VCAN: variants seen among roughly 807,000 people sequenced by gnomAD.
VCAN encodes versican.
Under a neutral mutation model 245.5 loss-of-function variants are expected in VCAN, and 44 were observed. That is an observed-to-expected ratio of 0.18 (90% CI 0.14 to 0.23). The LOEUF (loss-of-function observed/expected upper bound fraction) is 0.23, where lower values mean the gene tolerates loss of function less well. Ranked by LOEUF, VCAN falls within the 10% of genes least tolerant of loss-of-function variation. The pLI, the probability that VCAN is intolerant of heterozygous loss-of-function variation, is 1.00. For synonymous variants in VCAN, 1,413 were observed against 1,437.0 expected (o/e 0.98, Z 0.38); for missense variants, 3,793 against 4,057.9 (o/e 0.93, Z 1.77).
rs1452009400 is a variant in VCAN at position 83,538,941 on chromosome 5, A to G, written c.5938A>G (p.Ile1980Val). ...ATCTACAGTACCTACTTCAGTTCAC[A>G]TCAGTCACATATCTGACTCAGAAGG... is the stretch of plus-strand genomic sequence containing the variant. The part of the protein sequence containing the change: ...SPSTVPTSVH[I>V]SHISDSEGPS... The change falls in exon 8 of 15, where the codon ATC (isoleucine) becomes GTC (valine). Residue 1980 changes from isoleucine to valine, a missense_variant. By Grantham distance (29) the Ile-to-Val change is conservative. Coordinates refer to ENST00000265077, the MANE Select transcript of VCAN (RefSeq NM_004385.5). The G allele has an allele frequency of 1.2e-6, 2 of 1,614,030 alleles. No homozygotes were observed. The highest frequency in any genetic ancestry group is 8.5e-7 in the Non-Finnish European group (1 of 1,179,954).
At chr5:83,562,076 T>G (rs750346734) in intron 12 of VCAN, 2 of 152,200 alleles carry the variant, frequency 1.3e-5, no homozygotes, top group African/African-American at 2.4e-5. Flanking sequence ...CAGATGGATG[T>G]ATGTCAGCTG....
intron 10 of VCAN, 71 bp downstream of exon 10, chr5:83,548,155 T>A: frequency 9.1e-7 from 1 of 1,098,928 alleles, no homozygotes; most frequent in Non-Finnish European, 1.4e-6. Context: ...CCTCAATGCA[T>A]AATCTTTCCT....
intron 1 of VCAN, among the ~76,000 whole-genome samples, chr5:83,478,290 T>C (rs1744471627): frequency 6.6e-6 from 1 of 152,222 alleles, no homozygotes. Context: ...TTGGCCAGGT[T>C]GTGGAGAAAC....
chr5:83,556,333 C>T (rs7709777), intron 12 of VCAN, among the ~76,000 whole-genome samples: 58,677 of 151,996 alleles, frequency 0.39, 11,523 homozygotes, highest in Admixed American at 0.44. Context: ...TTCTTCTGAC[C>T]GGTACCTCCT....
Position 83,567,221 on chromosome 5 carries a change from T to C in VCAN, c.9736-5195T>C, listed in dbSNP as rs192980357. Among the ~76,000 whole-genome samples the C allele has an allele frequency of 1.1e-3, 169 of 152,202 alleles. 1 individual carries two copies. Among genetic ancestry groups the C allele is most frequent in the Non-Finnish European group, 2.1e-3 (144 of 68,008 alleles). ...GCATTAAGCAGTTATATACTAGATA[T>C]AAAATAATTATCTCTTAATAAAATG... On this transcript the variant is annotated intron_variant, in intron 12 of 14. Transcript: ENST00000265077.
intron 11 of VCAN, among the ~76,000 whole-genome samples, chr5:83,553,730 T>C (rs1580061421): frequency 6.6e-6 from 1 of 152,356 alleles, no homozygotes; most frequent in East Asian, 1.9e-4. Context: ...GGCATTGGTT[T>C]GTCTGCCAGC....
intron 7 of VCAN, among the ~76,000 whole-genome samples, chr5:83,525,194 C>G (rs1746247773): frequency 1.3e-5 from 2 of 151,770 alleles, no homozygotes; most frequent in Admixed American, 1.3e-4. Context: ...TCTGAAAGAA[C>G]TTTTCAGCTC....
chr5:83,573,345 G>T (rs994578247), intron 13 of VCAN, among the ~76,000 whole-genome samples: 1 of 151,900 alleles, frequency 6.6e-6, no homozygotes, highest in Non-Finnish European at 1.5e-5. Context: ...CAGATTTGTC[G>T]GTGGTTTGAA....
At chr5:83,494,070 T>C (rs1434751941) in intron 5 of VCAN, 139 bp downstream of exon 5, 2 of 1,438,946 alleles carry the variant, frequency 1.4e-6, no homozygotes, top group Non-Finnish European at 1.9e-6. Context: ...TGTATGATTT[T>C]GTGGTAAAAT....
At chr5:83,578,784 C>T (rs1274444382) in intron 13 of VCAN, among the ~76,000 whole-genome samples, 1 of 151,880 alleles carries the variant, frequency 6.6e-6, no homozygotes, top group African/African-American at 2.4e-5. Context: ...TAGAAATTTC[C>T]ACTTAGGGAA....
intron 2 of VCAN, among the ~76,000 whole-genome samples, chr5:83,487,050 A>G (rs1295081945): frequency 6.6e-6 from 1 of 152,228 alleles, no homozygotes; most frequent in East Asian, 1.9e-4. Flanking sequence ...ATTTCCTTTA[A>G]CAATACACAT....
At chr5:83,569,717 T>C (rs1338957817) in intron 12 of VCAN, among the ~76,000 whole-genome samples, 3 of 152,152 alleles carry the variant, frequency 2.0e-5, no homozygotes, top group Non-Finnish European at 4.4e-5. Context: ...ACTGGTTTCC[T>C]GTAAGAGACT....
chr5:83,538,619 G>A lies in VCAN; in HGVS notation c.5616G>A (p.Pro1872=), dbSNP rs986930162. 1.5e-5 allele frequency: 24 copies of A among 1,613,876 alleles called. No individual in the cohort carries two copies. The highest frequency in any genetic ancestry group is 5.0e-5 in the Admixed American group (3 of 59,982). ...AGGAAGTAGCTGGCACTTTGTCTCC[G>A]CATGTGGAAACTACATTCTCCACTG... is the stretch of plus-strand genomic sequence containing the variant. The part of the protein sequence containing the change: ...AEKEVAGTLS[P]HVETTFSTEP... The change falls in exon 8 of 15, where the codon CCG becomes CCA. Residue 1872 remains proline, a synonymous_variant. Coordinates refer to ENST00000265077, the MANE Select transcript of VCAN (RefSeq NM_004385.5).
At chr5:83,511,135 G>A (rs556259672) in intron 5 of VCAN, among the ~76,000 whole-genome samples, 47 of 151,834 alleles carry the variant, frequency 3.1e-4, no homozygotes, top group African/African-American at 1.1e-3. Flanking sequence ...GGGTGTTGGG[G>A]GAGTCTTTCT....
intron 8 of VCAN, among the ~76,000 whole-genome samples, chr5:83,542,970 A>G (rs1198845616): frequency 6.6e-6 from 1 of 152,184 alleles, no homozygotes; most frequent in African/African-American, 2.4e-5. Flanking sequence ...CGAAAAGGCT[A>G]TAAAAGCCCT....
At chr5:83,495,357 G>A (rs1382046969) in intron 5 of VCAN, among the ~76,000 whole-genome samples, 1 of 152,190 alleles carries the variant, frequency 6.6e-6, no homozygotes, top group Non-Finnish European at 1.5e-5. Context: ...GGGTGCTTAG[G>A]TGTGGTTCTC....
intron 9 of VCAN, 100 bp downstream of exon 9, chr5:83,545,750 A>G (rs1233423046): frequency 1.0e-6 from 1 of 965,668 alleles, no homozygotes; most frequent in African/African-American, 1.6e-5. Flanking sequence ...AAAGAAACCC[A>G]TATGAAGATT....
chr5:83,550,935 GTT>G (rs371547453), intron 10 of VCAN, among the ~76,000 whole-genome samples: 9 of 121,496 alleles, frequency 7.4e-5, no homozygotes, highest in Non-Finnish European at 1.3e-4. Flanking sequence ...AGTTGGCTTT[GTT>G]TTTTTTTTTT....
At chr5:83,517,374 G>A (rs747602052) in intron 6 of VCAN, among the ~76,000 whole-genome samples, 2 of 151,906 alleles carry the variant, frequency 1.3e-5, no homozygotes, top group East Asian at 1.9e-4. Flanking sequence ...ATACTCAGAG[G>A]GAAAAAGTAA....
Sources: allele counts gnomAD v4.1 joint callset (sites outside exome capture counted in the v4.1 genomes callset), GRCh38; gene constraint gnomAD v4.1.1; transcripts MANE v1.5; gene names NCBI Gene and HGNC (gene_info 2026-07-23, HGNC 2026-07-21).